Variants in DOCK7 observed in about 807,000 individuals in gnomAD.
The protein encoded by DOCK7 is dedicator of cytokinesis protein 7.
Under a neutral mutation model 271.0 loss-of-function variants are expected in DOCK7, and 138 were observed. That is an observed-to-expected ratio of 0.51 (90% confidence interval 0.44 to 0.59). The LOEUF (loss-of-function observed/expected upper bound fraction) is 0.59, where lower values mean the gene tolerates loss of function less well. Ranked by LOEUF, DOCK7 falls within the 20% of genes least tolerant of loss-of-function variation. The pLI, the probability that DOCK7 is intolerant of heterozygous loss-of-function variation, is 0.00. For synonymous variants in DOCK7, 823 were observed against 876.1 expected, an observed-to-expected ratio of 0.94 and a Z score of 1.07; for missense variants, 2,066 against 2,592.4, an observed-to-expected ratio of 0.80 and a Z score of 4.41.
chr1:62,507,901 T>C, intron 35 of DOCK7, 61 bp downstream of exon 35: 1 of 1,497,888 alleles, frequency 6.7e-7, no homozygotes, highest in Middle Eastern at 1.7e-4. Flanking sequence ...AGTAAACACT[T>C]TTCCCTCCAA....
intron 4 of DOCK7, among the ~76,000 whole-genome samples, chr1:62,650,023 G>A (rs889004775): frequency 6.6e-6 from 1 of 152,160 alleles, no homozygotes; most frequent in Non-Finnish European, 1.5e-5. Context: ...GCTGAAGTAA[G>A]AGGATGGCTT....
chr1:62,502,820 C>T (rs1168030), intron 37 of DOCK7, among the ~76,000 whole-genome samples: 87,894 of 151,752 alleles, frequency 0.58, 27,028 homozygotes, highest in East Asian at 0.76. Context: ...AATTCCAGGA[C>T]GTATGTAATA....
At chr1:62,482,933 C>A (rs1219314967) in intron 43 of DOCK7, 5 of 152,120 alleles carry the variant, frequency 3.3e-5, no homozygotes, top group Non-Finnish European at 7.3e-5. Context: ...AAGGACATAT[C>A]TGACCATTTT....
At chr1:62,492,636 TA>T (rs771720338) in intron 41 of DOCK7, 67 bp downstream of exon 41, 82 of 1,587,138 alleles carry the variant, frequency 5.2e-5, no homozygotes, top group Non-Finnish European at 6.8e-5. Context: ...CCAGAGAGAA[TA>T]AATACACATG....
chr1:62,620,774 C>T (rs145845646), intron 12 of DOCK7, among the ~76,000 whole-genome samples: 2,608 of 150,812 alleles, frequency 0.017, 74 homozygotes, highest in African/African-American at 0.06. Flanking sequence ...GTCCCAGCTA[C>T]TCGGGAGGCT....
intron 48 of DOCK7, among the ~76,000 whole-genome samples, chr1:62,465,504 C>A (rs1645650989): frequency 6.6e-6 from 1 of 151,976 alleles, no homozygotes; most frequent in African/African-American, 2.4e-5. Context: ...AATTTGTAAG[C>A]CCGTAGGCAT....
At chr1:62,497,022 T>C (rs1646643374) in intron 37 of DOCK7, among the ~76,000 whole-genome samples, 1 of 152,144 alleles carries the variant, frequency 6.6e-6, no homozygotes, top group Non-Finnish European at 1.5e-5. Flanking sequence ...TGCTCCACCA[T>C]TTTCTACCAT....
chr1:62,519,694 A>G (rs1197822033), intron 31 of DOCK7, among the ~76,000 whole-genome samples: 2 of 152,168 alleles, frequency 1.3e-5, no homozygotes, highest in African/African-American at 2.4e-5. Flanking sequence ...CTAACTGGCT[A>G]AAAGAGAGAG....
chr1:62,495,739 A>G, intron 38 of DOCK7, 58 bp from the exon 39 acceptor site: 1 of 1,344,166 alleles, frequency 7.4e-7, no homozygotes, highest in Non-Finnish European at 1.0e-6. Flanking sequence ...CATAATCACC[A>G]AATTAGTTTC....
chr1:62,514,475 T>C (rs1003921940), intron 31 of DOCK7, among the ~76,000 whole-genome samples: 2 of 152,126 alleles, frequency 1.3e-5, no homozygotes, highest in Non-Finnish European at 2.9e-5. Context: ...GTATATAGTA[T>C]GTAAAACAGA....
intron 10 of DOCK7, among the ~76,000 whole-genome samples, chr1:62,632,714 C>A (rs1237254705): frequency 3.3e-5 from 5 of 152,138 alleles, no homozygotes; most frequent in Non-Finnish European, 7.4e-5. Context: ...TGGTGGCTCA[C>A]ATCTGTAATC....
intron 18 of DOCK7, among the ~76,000 whole-genome samples, chr1:62,567,082 CTT>C (rs1435953672): frequency 1.3e-5 from 2 of 152,220 alleles, no homozygotes; most frequent in African/African-American, 4.8e-5. Context: ...AACAGGAACA[CTT>C]TTGCACTGTT....
chr1:62,488,935 T>G lies in DOCK7; in HGVS notation c.5492A>C (p.Gln1831Pro), dbSNP rs1441913803. 1.2e-6 allele frequency: 2 copies of G among 1,613,560 alleles called. No individual in the cohort carries two copies. Among genetic ancestry groups the G allele is most frequent in the Non-Finnish European group, 1.7e-6 (2 of 1,179,816 alleles). The change falls in exon 42 of 50, where the codon CAG becomes CCG. Residue 1831 changes from glutamine (Q) to proline (P), a missense_variant and splice_region_variant. Gln to Pro is a moderately conservative substitution (Grantham distance 76). This residue lies in a region of DOCK7 where 652 missense variants were observed against 922.1 expected (regional missense o/e 0.71). Transcript: ENST00000635253. ...GAAGCTAGAAATTGGAATCATTACC[T>G]GATGAACAATTTTGCTGAATGCTTC... ...LQEAFSKIVH[Q>P]STGWERMFGT... is the part of the protein sequence containing the mutation.
intron 1 of DOCK7, among the ~76,000 whole-genome samples, chr1:62,671,204 C>T (rs1203350901): frequency 6.6e-6 from 1 of 152,204 alleles, no homozygotes; most frequent in Non-Finnish European, 1.5e-5. Flanking sequence ...CGAGGGTCCA[C>T]GGCTTCATTC....
chr1:62,469,935 G>A (rs1645783008), intron 48 of DOCK7, among the ~76,000 whole-genome samples: 1 of 151,786 alleles, frequency 6.6e-6, no homozygotes, highest in African/African-American at 2.4e-5. Context: ...GGATACTGGT[G>A]TGGATGCGGT....
At chr1:62,628,143 T>C (rs1038045738) in intron 11 of DOCK7, 2 of 152,364 alleles carry the variant, frequency 1.3e-5, no homozygotes, top group Non-Finnish European at 1.5e-5. Flanking sequence ...AAGGTGCACG[T>C]AACCTAGATC....
chr1:62,470,253 T>C (rs750835800), intron 48 of DOCK7, among the ~76,000 whole-genome samples: 1 of 152,136 alleles, frequency 6.6e-6, no homozygotes, highest in African/African-American at 2.4e-5. Flanking sequence ...AATGAGTAAA[T>C]AGCATTCACA....
rs546051366 is a variant in DOCK7 at position 62,597,746 on chromosome 1, T to C, written c.1683-11122A>G. 5.0e-6 allele frequency: 8 copies of C among 1,613,570 alleles called. No individual in the cohort carries two copies. In the South Asian group the frequency reaches 8.8e-5, roughly 18 times the overall value. The stretch of plus-strand genomic sequence containing the variant: ...AGTTGGGACATGGTCTTAAAGACTT[T>C]GTCCATAAGACGAAGGGCCAAATTA... On this transcript the variant is annotated intron_variant, in intron 14 of 49. Coordinates refer to ENST00000635253, the MANE Select transcript of DOCK7 (RefSeq NM_001367561.1).
intron 43 of DOCK7, chr1:62,485,064 G>A (rs1407845628): frequency 1.3e-6 from 1 of 769,608 alleles, no homozygotes; most frequent in African/African-American, 1.9e-5. Flanking sequence ...AACTCAGGAG[G>A]TGTCAAGGCT....
Sources: gnomAD v4.1 joint callset for allele counts (sites outside exome capture counted in the v4.1 genomes callset) on GRCh38, gnomAD v4.1.1 for gene constraint, gnomAD v4.1.1 regional missense constraint, MANE v1.5 for transcripts, NCBI Gene and HGNC (gene_info 2026-07-23, HGNC 2026-07-21) for gene names.